CDH3: variants seen among roughly 807,000 people sequenced by gnomAD.
The protein encoded by CDH3 is cadherin 3.
A neutral mutation model predicts 82.0 loss-of-function variants in CDH3; 54 were observed. That is an observed-to-expected ratio of 0.66 (90% CI 0.53 to 0.83). The LOEUF is 0.83. Among genes scored for constraint, CDH3 ranks in the 40% least tolerant of loss-of-function variants. The probability of loss-of-function intolerance (pLI) is 0.00; values close to 1 mark genes in which losing one functional copy is unlikely to be tolerated. For synonymous variants in CDH3, 446 were observed against 437.9 expected, an observed-to-expected ratio of 1.02 and a Z score of -0.23; for missense variants, 1,054 against 1,084.6, an observed-to-expected ratio of 0.97 and a Z score of 0.40.
intron 6 of CDH3, 138 bp from the exon 7 acceptor site, chr16:68,679,661 C>G: frequency 1.6e-6 from 1 of 630,710 alleles, no homozygotes; most frequent in Non-Finnish European, 2.7e-6. Context: ...CACCATTGCA[C>G]TCCAGCCTGG....
chr16:68,718,981 G>A (rs1018525914), intron 1 of CDH3, among the ~76,000 whole-genome samples: 4 of 152,106 alleles, frequency 2.6e-5, no homozygotes, highest in African/African-American at 9.7e-5. Context: ...GCTCCCTCAC[G>A]CCTGTAATCC....
At chr16:68,645,449 C>A in intron 1 of CDH3, 25 bp downstream of exon 1, 1 of 1,611,412 alleles carries the variant, frequency 6.2e-7, no homozygotes, top group Non-Finnish European at 8.5e-7. Context: ...CGCCGTGGCC[C>A]CGACCGGGAC....
downstream of CDH3, among the ~76,000 whole-genome samples, chr16:68,702,881 G>C (rs1240269449): frequency 6.6e-6 from 1 of 151,848 alleles, no homozygotes; most frequent in Non-Finnish European, 1.5e-5. Flanking sequence ...AAAAAGTGGA[G>C]GCTTACTGGA....
chr16:68,730,127 G>A (rs568545846), downstream of CDH3, among the ~76,000 whole-genome samples: 79 of 152,124 alleles, frequency 5.2e-4, no homozygotes, highest in Non-Finnish European at 7.6e-4. Flanking sequence ...CAGCTACTCA[G>A]GAGGCTGAGG....
At chr16:68,701,196 G>A (rs868593665), downstream of CDH3, among the ~76,000 whole-genome samples, 1 of 152,038 alleles carries the variant, frequency 6.6e-6, no homozygotes, top group Admixed American at 6.6e-5. Context: ...AACTGGCCTC[G>A]GTGGATGGAT....
At chr16:68,700,844 AC>A (rs1320808772), downstream of CDH3, among the ~76,000 whole-genome samples, 5 of 152,048 alleles carry the variant, frequency 3.3e-5, no homozygotes, top group East Asian at 9.7e-4. Flanking sequence ...ACAGAGTGAG[AC>A]CCTATCTCAA....
chr16:68,725,424 C>T (rs1389097636), intron 2 of CDH3, among the ~76,000 whole-genome samples: 3 of 151,958 alleles, frequency 2.0e-5, no homozygotes, highest in Non-Finnish European at 4.4e-5. Context: ...AGCTCTGCCT[C>T]CAGGGTTCAC....
chr16:68,678,436 G>A (rs926756587), intron 4 of CDH3, 65 bp from the exon 5 acceptor site: 2 of 1,605,252 alleles, frequency 1.2e-6, no homozygotes, highest in African/African-American at 2.7e-5. Flanking sequence ...TCTTCACAGA[G>A]GACTCTTTGT....
chr16:68,698,147 G>A (rs151140320), intron 15 of CDH3, 44 bp from the exon 16 acceptor site: 6 of 1,587,410 alleles, frequency 3.8e-6, no homozygotes, highest in East Asian at 2.2e-5. Flanking sequence ...GCTGGCAAGA[G>A]GCAGGACCCG....
chr16:68,723,105 G>C (rs553732617), intron 2 of CDH3, among the ~76,000 whole-genome samples: 3 of 149,910 alleles, frequency 2.0e-5, no homozygotes, highest in African/African-American at 7.4e-5. Flanking sequence ...GAGAATAAAT[G>C]TATCACATAT....
At chr16:68,686,368 T>C (rs4783663) in intron 11 of CDH3, 703,593 of 1,104,222 alleles carry the variant, frequency 0.64, 224,859 homozygotes, top group African/African-American at 0.67. Flanking sequence ...GAGTCTGAGG[T>C]GGAGGGAGTC....
At chr16:68,665,269 G>A (rs1960702469) in intron 2 of CDH3, among the ~76,000 whole-genome samples, 1 of 151,922 alleles carries the variant, frequency 6.6e-6, no homozygotes, top group Admixed American at 6.6e-5. Context: ...TTAGCCGGGT[G>A]TGGTGGCATG....
chr16:68,681,075 T>C lies in CDH3; in HGVS notation c.975T>C (p.Ala325=), dbSNP rs147249761. 11 of 1,613,776 alleles carry C rather than the reference T, an allele frequency of 6.8e-6. No individual in the cohort carries two copies. The highest frequency in any genetic ancestry group is 1.7e-5 in the Admixed American group (1 of 59,986). ...VVEILDANDN[A]PMFDPQKYEA... ...AGATCCTTGATGCCAATGACAATGC[T>C]CCCATGTTTGACCCCCAGAAGGTAA... Residue 325 remains alanine (A), a synonymous_variant, in exon 8 of 16, where the codon GCT becomes GCC. Coordinates refer to ENST00000264012, the MANE Select transcript of CDH3 (RefSeq NM_001793.6).
intron 2 of CDH3, among the ~76,000 whole-genome samples, chr16:68,673,320 A>G (rs1026804942): frequency 1.3e-5 from 2 of 152,152 alleles, no homozygotes; most frequent in African/African-American, 4.8e-5. Context: ...TAAGTAAATA[A>G]TTCAGTAGCA....
In CDH3 at chr16:68,678,002, C is replaced by T. The variant is rs993949475; in HGVS notation, c.247-132C>T. The T allele has an allele frequency of 5.4e-5, 45 of 827,980 alleles. 1 individual carries two copies. The South Asian group carries it at 5.7e-4, about 10-fold the overall frequency. 51.3% of individuals were successfully genotyped at this position (827,980 alleles called of 1,614,324 possible). On this transcript the variant is annotated intron_variant, in intron 3 of 15. Transcript: ENST00000264012. ...CTCTGGAACTCCTGGGCTCAAGTGA[C>T]CCTCCCAAAGTACTGGGATTATAGG... is the stretch of plus-strand genomic sequence containing the variant.
intron 3 of CDH3, among the ~76,000 whole-genome samples, chr16:68,676,755 A>C (rs1216438597): frequency 6.6e-6 from 1 of 152,056 alleles, no homozygotes; most frequent in African/African-American, 2.4e-5. Context: ...TCCCTCTCCC[A>C]CCTTCCTTTA....
chr16:68,731,857 A>G (rs1425757401), downstream of CDH3, among the ~76,000 whole-genome samples: 1 of 152,018 alleles, frequency 6.6e-6, no homozygotes, highest in African/African-American at 2.4e-5. Flanking sequence ...CAAACAAAAA[A>G]TTCTGCAAAG....
In CDH3 at chr16:68,651,389, A is replaced by G. The variant is rs1030590832; in HGVS notation, c.160+5639A>G. 3.1e-5 allele frequency: 17 copies of G among 553,058 alleles called. No homozygotes were observed. In the Admixed American group the frequency reaches 3.3e-4, roughly 11 times the overall value. 34.3% of individuals were successfully genotyped at this position (553,058 alleles called of 1,614,324 possible). ...GGATATGGTTCTTGGGGCTGTAGAG[A>G]TGCCTCCTTGTGCCGTACATGGTCA... On this transcript the variant is annotated intron_variant, in intron 2 of 15. Transcript: ENST00000264012.
chr16:68,713,162 C>T (rs371000997), intron 1 of CDH3, among the ~76,000 whole-genome samples: 58 of 152,190 alleles, frequency 3.8e-4, no homozygotes, highest in African/African-American at 1.3e-3. Flanking sequence ...CCTTGAAAAA[C>T]ATTTTAAATG....
Sources: gnomAD v4.1 joint callset for allele counts (sites outside exome capture counted in the v4.1 genomes callset) on GRCh38, gnomAD v4.1.1 for gene constraint, MANE v1.5 for transcripts, NCBI Gene and HGNC (gene_info 2026-07-23, HGNC 2026-07-21) for gene names.